The following MAP3K5 variants were observed in gnomAD, a reference collection of about 807,000 sequenced individuals.
MAP3K5 encodes the protein ASK-1.
MAP3K5 carries 56 observed loss-of-function variants against 158.7 expected under a neutral mutation model. That is an observed-to-expected ratio of 0.35 (90% confidence interval 0.28 to 0.44). The LOEUF (loss-of-function observed/expected upper bound fraction) is 0.44, where lower values mean the gene tolerates loss of function less well. Ranked by LOEUF, MAP3K5 falls within the 20% of genes least tolerant of loss-of-function variation. The pLI is 1.00. For missense variants in MAP3K5, 1,294 were observed against 1,674.8 expected, an observed-to-expected ratio of 0.77 and a Z score of 3.97; for synonymous variants, 579 against 601.7, an observed-to-expected ratio of 0.96 and a Z score of 0.55.
intron 1 of MAP3K5, among the ~76,000 whole-genome samples, chr6:136,774,959 C>T (rs1292974499): frequency 1.3e-5 from 2 of 152,090 alleles, no homozygotes; most frequent in East Asian, 1.9e-4. Context: ...AGTCATATCA[C>T]GTATGATGCA....
chr6:136,763,409 TG>T (rs1783835905), intron 1 of MAP3K5, among the ~76,000 whole-genome samples: 1 of 152,192 alleles, frequency 6.6e-6, no homozygotes, highest in South Asian at 2.1e-4. Flanking sequence ...TGCCCAAAGA[TG>T]TGGGGAAACA....
At chr6:136,617,237 A>T (rs1183408641) in intron 15 of MAP3K5, among the ~76,000 whole-genome samples, 1 of 152,222 alleles carries the variant, frequency 6.6e-6, no homozygotes, top group Non-Finnish European at 1.5e-5. Flanking sequence ...CAGCATTTTC[A>T]CTAAGTGTAA....
chr6:136,716,172 G>T (rs1054125044), intron 2 of MAP3K5, among the ~76,000 whole-genome samples: 10 of 149,212 alleles, frequency 6.7e-5, no homozygotes, highest in African/African-American at 1.5e-4. Context: ...GCATGCAAGA[G>T]ACTTTTTTTA....
At chr6:136,645,123 G>C (rs560413344) in intron 11 of MAP3K5, among the ~76,000 whole-genome samples, 1 of 152,046 alleles carries the variant, frequency 6.6e-6, no homozygotes, top group South Asian at 2.1e-4. Context: ...GTAGAGACGG[G>C]GGTCTTGCTA....
At chr6:136,788,706 T>C (rs1299909147) in intron 1 of MAP3K5, among the ~76,000 whole-genome samples, 1 of 152,136 alleles carries the variant, frequency 6.6e-6, no homozygotes, top group African/African-American at 2.4e-5. Flanking sequence ...TGAGATAACA[T>C]CTCACACCAG....
At chr6:136,576,281 C>T (rs1257623108) in intron 25 of MAP3K5, among the ~76,000 whole-genome samples, 1 of 151,994 alleles carries the variant, frequency 6.6e-6, no homozygotes, top group Non-Finnish European at 1.5e-5. Flanking sequence ...TTGACACTTT[C>T]TTATTTCTGG....
intron 1 of MAP3K5, among the ~76,000 whole-genome samples, chr6:136,746,285 T>TG (rs1782953996): frequency 7.1e-6 from 1 of 141,624 alleles, no homozygotes; most frequent in South Asian, 2.1e-4. Context: ...CATAAAATTT[T>TG]GAGGGGGGGG....
At chr6:136,750,376 C>G (rs1425262325) in intron 1 of MAP3K5, among the ~76,000 whole-genome samples, 2 of 152,172 alleles carry the variant, frequency 1.3e-5, no homozygotes, top group African/African-American at 2.4e-5. Context: ...CCGCACCCAG[C>G]CTTGTCCTGC....
intron 11 of MAP3K5, among the ~76,000 whole-genome samples, chr6:136,642,771 T>C (rs900292671): frequency 1.2e-4 from 19 of 152,230 alleles, no homozygotes; most frequent in Admixed American, 3.9e-4. Context: ...ATAATTCCTG[T>C]ACTTCAATAA....
At chr6:136,586,649 T>C (rs530899151) in intron 23 of MAP3K5, among the ~76,000 whole-genome samples, 2 of 152,282 alleles carry the variant, frequency 1.3e-5, no homozygotes, top group East Asian at 3.9e-4. Flanking sequence ...TAATACTGAG[T>C]GTCTACTTGA....
At chr6:136,716,648 C>T (rs1781542278) in intron 2 of MAP3K5, among the ~76,000 whole-genome samples, 1 of 152,178 alleles carries the variant, frequency 6.6e-6, no homozygotes, top group Non-Finnish European at 1.5e-5. Flanking sequence ...TCCAGACTTA[C>T]TCACCACTTA....
intron 14 of MAP3K5, among the ~76,000 whole-genome samples, chr6:136,627,722 T>C (rs1354783376): frequency 2.6e-5 from 4 of 152,296 alleles, no homozygotes; most frequent in South Asian, 4.1e-4. Context: ...AGACACTGAA[T>C]CTGCTGGTGC....
chr6:136,572,597 C>G (rs925613189), intron 25 of MAP3K5, among the ~76,000 whole-genome samples: 2 of 152,318 alleles, frequency 1.3e-5, no homozygotes, highest in Admixed American at 6.5e-5. Context: ...TATAATCTCA[C>G]TTTTAGGGAA....
chr6:136,730,126 C>A (rs985100338), intron 1 of MAP3K5, among the ~76,000 whole-genome samples: 1 of 150,980 alleles, frequency 6.6e-6, no homozygotes, highest in African/African-American at 2.5e-5. Context: ...GTACACGCCA[C>A]CATACCTGTT....
intron 1 of MAP3K5, among the ~76,000 whole-genome samples, chr6:136,740,831 G>A (rs1782677532): frequency 3.3e-5 from 5 of 152,152 alleles, no homozygotes; most frequent in Admixed American, 6.5e-5. Context: ...TTCTGAGAAG[G>A]AGCTTGAGTG....
At chr6:136,778,663 T>C (rs556409608) in intron 1 of MAP3K5, among the ~76,000 whole-genome samples, 1 of 152,258 alleles carries the variant, frequency 6.6e-6, no homozygotes, top group East Asian at 1.9e-4. Context: ...AAATAGAAAA[T>C]GTATTTCTGT....
Position 136,649,568 on chromosome 6 carries a change from C to A in MAP3K5, c.1788+1416G>T, listed in dbSNP as rs564939322. Among the ~76,000 whole-genome samples the A allele has an allele frequency of 2.0e-5, 3 of 152,270 alleles. No individual in the cohort carries two copies. The South Asian group carries it at 6.2e-4, about 32-fold the overall frequency. ...CGGTCTCCTGGGATCCAGGGTATTG[C>A]AGATAATTCTGATGCAGAGCCAGGT... On this transcript the variant is annotated intron_variant, in intron 11 of 29. Transcript: ENST00000359015.
Position 136,562,508 on chromosome 6 carries a change from G to C in MAP3K5, c.3869C>G (p.Pro1290Arg), listed in dbSNP as rs1830558892. ...TAAAACTTTCTGCTATTCACCTATG[G>C]GTTGGGACTTAAGCTTCAGGTGTTT... ...EIKHLKLKSQ[P>R]IEIPELPVFH... Residue 1290 changes from proline (P) to arginine (R), a missense_variant, in exon 27 of 30, where the codon CCC (proline) becomes CGC (arginine). Pro to Arg is a moderately radical substitution (Grantham distance 103). Coordinates refer to ENST00000359015, the MANE Select transcript of MAP3K5 (RefSeq NM_005923.4). 6.4e-7 allele frequency: 1 copy of C among 1,564,608 alleles called. No homozygotes were observed. Among genetic ancestry groups the C allele is most frequent in the Non-Finnish European group, 8.7e-7 (1 of 1,143,430 alleles).
chr6:136,650,409 A>G (rs1778466004), intron 11 of MAP3K5, among the ~76,000 whole-genome samples: 1 of 152,232 alleles, frequency 6.6e-6, no homozygotes, highest in African/African-American at 2.4e-5. Flanking sequence ...ATAGAAGTGG[A>G]AAGGCTTATC....
Sources: allele counts gnomAD v4.1 joint callset (sites outside exome capture counted in the v4.1 genomes callset), GRCh38; gene constraint gnomAD v4.1.1; transcripts MANE v1.5; gene names NCBI Gene and HGNC (gene_info 2026-07-23, HGNC 2026-07-21).